CACNA2D4: variants seen among roughly 807,000 people sequenced by gnomAD.
The protein encoded by CACNA2D4 is voltage-dependent calcium channel subunit alpha-2/delta-4.
In CACNA2D4, 157 loss-of-function variants were observed where a neutral mutation model predicts 163.8. The observed-to-expected ratio is 0.96, with a 90% CI of 0.84 to 1.09. CACNA2D4 has a LOEUF of 1.09. Among genes scored for constraint, CACNA2D4 ranks in the 50% least tolerant of loss-of-function variants. The probability of loss-of-function intolerance (pLI) is 0.00; values close to 1 mark genes in which losing one functional copy is unlikely to be tolerated. For synonymous variants in CACNA2D4, 598 were observed against 586.9 expected, an observed-to-expected ratio of 1.02 and a Z score of -0.27; for missense variants, 1,410 against 1,479.9, an observed-to-expected ratio of 0.95 and a Z score of 0.78.
chr12:1,842,222 G>A (rs1266370823), intron 25 of CACNA2D4, among the ~76,000 whole-genome samples: 1 of 152,200 alleles, frequency 6.6e-6, no homozygotes, highest in African/African-American at 2.4e-5. Flanking sequence ...AGAAGGGGGC[G>A]GGGCCCAGGG....
chr12:1,859,368 G>A (rs898149522), intron 19 of CACNA2D4, among the ~76,000 whole-genome samples: 3 of 152,096 alleles, frequency 2.0e-5, no homozygotes, highest in Admixed American at 6.5e-5. Context: ...AAAAAAACTG[G>A]TTTTGGATGA....
chr12:1,868,628 T>A (rs1017708671), intron 18 of CACNA2D4, among the ~76,000 whole-genome samples: 4 of 152,000 alleles, frequency 2.6e-5, no homozygotes, highest in Non-Finnish European at 1.5e-5. Flanking sequence ...TAGGTGTCCT[T>A]ACCACACACA....
intron 1 of CACNA2D4, 147 bp from the exon 2 acceptor site, chr12:1,915,082 C>T (rs1247810019): frequency 9.7e-6 from 7 of 719,018 alleles, no homozygotes; most frequent in South Asian, 8.8e-5. Flanking sequence ...AACACACAGA[C>T]ACATAATGCA....
intron 34 of CACNA2D4, chr12:1,797,809 A>C: frequency 1.9e-6 from 1 of 538,024 alleles, no homozygotes; most frequent in Admixed American, 3.2e-5. Context: ...CCTGGCCCTC[A>C]CTGAGCTGGG....
chr12:1,826,414 C>A (rs1024732498), intron 26 of CACNA2D4, among the ~76,000 whole-genome samples: 3 of 138,470 alleles, frequency 2.2e-5, no homozygotes, highest in Admixed American at 7.0e-5. Flanking sequence ...CCCCCCCCCC[C>A]CCGCCAACTG....
In CACNA2D4 at chr12:1,886,298, C is replaced by A; in HGVS notation, c.918G>T (p.Arg306Ser). ...VDVSGSMKGL[R>S]MTIAKHTITT... ...TGATGGTGTGCTTGGCAATAGTCAT[C>A]CTCAGCCCCTTCATACTGCCGCTCA... Residue 306 changes from arginine (R) to serine (S), a missense_variant, in exon 8 of 38, where the codon AGG becomes AGT. Arg to Ser is a moderately radical substitution (Grantham distance 110). Transcript: ENST00000382722. The A allele has an allele frequency of 1.2e-6, 2 of 1,613,766 alleles. No homozygotes were observed. The highest frequency in any genetic ancestry group is 1.7e-4 in the Middle Eastern group (1 of 6,060).
chr12:1,834,869 C>T lies in CACNA2D4; in HGVS notation c.2551+5870G>A. ...TCCAGCAGACAAGCCACACCGGGTT[C>T]TCTCCCTGCACTTTCGAGGCTCCCT... On this transcript the variant is annotated intron_variant, in intron 26 of 37. Coordinates refer to ENST00000382722, the MANE Select transcript of CACNA2D4 (RefSeq NM_172364.5). The surrounding 1 kb of genome is among the most constrained non-coding windows in gnomAD (Gnocchi z 7.6). 1.4e-6 allele frequency: 2 copies of T among 1,405,610 alleles called. No homozygotes were observed. Among genetic ancestry groups the T allele is most frequent in the Middle Eastern group, 2.6e-4 (1 of 3,818 alleles). The allele number at this position is 1,405,610 out of a possible 1,614,324, so 87.1% of individuals were successfully genotyped here.
At chr12:1,811,147 G>A (rs1028490645) in intron 27 of CACNA2D4, among the ~76,000 whole-genome samples, 7 of 152,232 alleles carry the variant, frequency 4.6e-5, no homozygotes, top group African/African-American at 1.7e-4. Context: ...GGGGGCCGAG[G>A]GGCTCGGCGT....
At chr12:1,839,100 G>T (rs1008001540) in intron 26 of CACNA2D4, among the ~76,000 whole-genome samples, 1 of 152,214 alleles carries the variant, frequency 6.6e-6, no homozygotes, top group Non-Finnish European at 1.5e-5. Context: ...TGGCCCTGGT[G>T]CCCTCTCTGA....
At position 1,795,347 on chromosome 12, in the gene CACNA2D4, G is replaced by A. The variant is rs1283433681; in HGVS notation, c.3261C>T (p.Ser1087=). ...AGTCTGGTCGCCGGCGGAGCTTCTG[G>A]GAGCGCATCCGGTCACATTTGACAG... is the stretch of plus-strand genomic sequence containing the variant. ...NASVKCDRMR[S]QKLRRRPDSC... Residue 1087 remains serine (S), a synonymous_variant, in exon 37 of 38, where the codon TCC becomes TCT. Transcript: ENST00000382722. 2 of 1,612,582 alleles carry A rather than the reference G, an allele frequency of 1.2e-6. No individual in the cohort carries two copies. Among genetic ancestry groups the A allele is most frequent in the East Asian group, 4.5e-5 (2 of 44,886 alleles).
At chr12:1,886,130 C>T in intron 8 of CACNA2D4, 91 bp from the exon 9 acceptor site, 1 of 1,539,024 alleles carries the variant, frequency 6.5e-7, no homozygotes, top group Non-Finnish European at 9.0e-7. Context: ...TCATGCAGGT[C>T]ACCGGGTGGT....
intron 26 of CACNA2D4, among the ~76,000 whole-genome samples, chr12:1,816,667 C>T (rs917184641): frequency 6.6e-5 from 10 of 152,254 alleles, no homozygotes; most frequent in South Asian, 2.1e-4. Flanking sequence ...TCAAGATGTA[C>T]GTCTTTGCTG....
Position 1,836,839 on chromosome 12 carries a change from G to A in CACNA2D4, c.2551+3900C>T, listed in dbSNP as rs376401070. 2.0e-3 allele frequency: 311 copies of A among 152,770 alleles called. 3 individuals carry two copies. The East Asian group carries it at 0.027, about 13-fold the overall frequency. The allele number at this position is 152,770 out of a possible 1,614,324, so 9.5% of individuals were successfully genotyped here. On this transcript the variant is annotated intron_variant, in intron 26 of 37. Transcript: ENST00000382722. ...CCACCTCCCCAGGAGGCTGGACAAA[G>A]CACCGGTGGCCATGATCCTGATGCG...
intron 18 of CACNA2D4, among the ~76,000 whole-genome samples, chr12:1,863,000 T>C (rs553288979): frequency 6.6e-6 from 1 of 152,368 alleles, no homozygotes; most frequent in South Asian, 2.1e-4. Flanking sequence ...TAGGAAATCT[T>C]TGCATATCCT....
At position 1,799,866 on chromosome 12, in the gene CACNA2D4, G is replaced by T; in HGVS notation, c.2974+134C>A. 8.0e-7 allele frequency: 1 copy of T among 1,257,076 alleles called. No homozygotes were observed. The allele number at this position is 1,257,076 out of a possible 1,614,324, so 77.9% of individuals were successfully genotyped here. The stretch of plus-strand genomic sequence containing the variant: ...GGATGTGATGAGAGAAGGCCACGCA[G>T]GGTGAGATGTGAACAACGATGCTTC... On this transcript the variant is annotated intron_variant, in intron 33 of 37. Transcript: ENST00000382722. This position sits in a 1 kb window ranked among gnomAD's most constrained non-coding sequence, Gnocchi z 4.7.
In CACNA2D4 at chr12:1,793,390, G is replaced by GT; in HGVS notation, c.*264_*265insA. On this transcript the variant is annotated 3_prime_UTR_variant, in exon 38 of 38. Coordinates refer to ENST00000382722, the MANE Select transcript of CACNA2D4 (RefSeq NM_172364.5). ...CGCTGGCTTCCCGAAGAGGAGACAG[G>GT]AAGGTTAGGTCAGAAGTATGCTCAT... The GT allele has an allele frequency of 1.8e-6, 1 of 542,318 alleles. No individual in the cohort carries two copies. The highest frequency in any genetic ancestry group is 3.3e-6 in the Non-Finnish European group (1 of 302,572). 33.6% of individuals were successfully genotyped at this position (542,318 alleles called of 1,614,324 possible).
rs375852891 is a variant in CACNA2D4, at chr12:1,863,777, C to A, written c.1879-3571G>T. ...CAGGCAATGCATTATGTGAGCTGGT[C>A]CTGTGTACAACCATCCCAAGCCACA... is the stretch of plus-strand genomic sequence containing the variant. On this transcript the variant is annotated intron_variant, in intron 18 of 37. Coordinates refer to ENST00000382722, the MANE Select transcript of CACNA2D4 (RefSeq NM_172364.5). 7.2e-5 allele frequency among the ~76,000 whole-genome samples: 11 copies of A among 152,104 alleles called. No individual in the cohort carries two copies. In the East Asian group the frequency reaches 2.1e-3, roughly 29 times the overall value.
intron 6 of CACNA2D4, among the ~76,000 whole-genome samples, chr12:1,892,634 C>T (rs1456819991): frequency 1.3e-5 from 2 of 152,004 alleles, no homozygotes; most frequent in African/African-American, 2.4e-5. Context: ...GAATAGCTCT[C>T]ACATATTGAT....
chr12:1,811,717 CCCG>C lies in CACNA2D4; in HGVS notation c.2555_2557del (p.Ala852del), dbSNP rs936783535. On this transcript the variant is annotated inframe_deletion, in exon 27 of 38. Transcript: ENST00000382722. ...GAGGAATTCCAGCTTCATTTGGACG[CCCG>C]CGGCTACAGGGCAGAAAGAGAGAGG... is the stretch of plus-strand genomic sequence containing the variant. 1 of 1,558,502 alleles carries C rather than the reference CCCG, an allele frequency of 6.4e-7. No individual in the cohort carries two copies. Among genetic ancestry groups the C allele is most frequent in the African/African-American group, 1.4e-5 (1 of 73,244 alleles).
Sources: allele counts gnomAD v4.1 joint callset (sites outside exome capture counted in the v4.1 genomes callset), GRCh38; gene constraint gnomAD v4.1.1; non-coding constraint Gnocchi (gnomAD v3.1); transcripts MANE v1.5; gene names NCBI Gene and HGNC (gene_info 2026-07-23, HGNC 2026-07-21).